Variants in CPNE4 observed in about 807,000 individuals in gnomAD.
The protein encoded by CPNE4 is copine 4.
A neutral mutation model predicts 67.9 loss-of-function variants in CPNE4; 25 were observed. That is an observed-to-expected ratio of 0.37 (90% confidence interval 0.27 to 0.51). The LOEUF is 0.51. CPNE4 is among the 20% of genes least tolerant of loss of function. The probability of loss-of-function intolerance (pLI) is 0.93; values close to 1 mark genes in which losing one functional copy is unlikely to be tolerated. For synonymous variants in CPNE4, 242 were observed against 244.9 expected (o/e 0.99, Z 0.11); for missense variants, 464 against 690.8 (o/e 0.67, Z 3.68).
chr3:131,898,622 G>C lies in CPNE4; in HGVS notation c.180+6642C>G, dbSNP rs150774750. On this transcript the variant is annotated intron_variant, in intron 2 of 15. Transcript: ENST00000429747. ...ATTTTACTTATAAGGAATCCAATTA[G>C]TCACATATGCAATCCAGTAATCTTA... Among the ~76,000 whole-genome samples the C allele has an allele frequency of 4.7e-3, 711 of 152,108 alleles. 8 individuals are homozygous for C. Among genetic ancestry groups the C allele is most frequent in the African/African-American group, 0.015 (628 of 41,518 alleles).
chr3:131,848,998 C>A (rs2086127352), intron 2 of CPNE4, among the ~76,000 whole-genome samples: 1 of 141,562 alleles, frequency 7.1e-6, no homozygotes. Flanking sequence ...AGATATCATC[C>A]ACCTCCTCTT....
chr3:131,590,467 T>C (rs999261865), intron 7 of CPNE4, among the ~76,000 whole-genome samples: 12 of 152,300 alleles, frequency 7.9e-5, no homozygotes, highest in African/African-American at 2.6e-4. Context: ...TAAACCTTTG[T>C]TATTTTCAGC....
At chr3:131,553,240 C>T (rs1201029592) in intron 12 of CPNE4, among the ~76,000 whole-genome samples, 1 of 151,974 alleles carries the variant, frequency 6.6e-6, no homozygotes, top group Non-Finnish European at 1.5e-5. Context: ...AGGATATTTC[C>T]AAGCTCTGAC....
At chr3:131,859,360 A>G (rs1249724019) in intron 2 of CPNE4, among the ~76,000 whole-genome samples, 1 of 152,172 alleles carries the variant, frequency 6.6e-6, no homozygotes, top group Non-Finnish European at 1.5e-5. Context: ...CTGTTCCTCA[A>G]GATGCTCTTC....
chr3:131,561,497 C>G (rs1279701062), intron 11 of CPNE4, among the ~76,000 whole-genome samples: 1 of 152,008 alleles, frequency 6.6e-6, no homozygotes, highest in Non-Finnish European at 1.5e-5. Context: ...TGAGGACAAG[C>G]TGTCTGTGGG....
chr3:131,940,267 T>C (rs1485221097), intron 1 of CPNE4, among the ~76,000 whole-genome samples: 7 of 152,140 alleles, frequency 4.6e-5, no homozygotes, highest in African/African-American at 1.7e-4. Context: ...TAACCATGGC[T>C]ATTAAAAATT....
intron 2 of CPNE4, among the ~76,000 whole-genome samples, chr3:131,877,955 G>A (rs571427633): frequency 1.3e-5 from 2 of 152,170 alleles, no homozygotes; most frequent in African/African-American, 2.4e-5. Flanking sequence ...TCACCAGGAT[G>A]GCTAAGATGA....
chr3:131,612,147 G>T (rs1162109663), intron 7 of CPNE4, among the ~76,000 whole-genome samples: 2 of 152,132 alleles, frequency 1.3e-5, no homozygotes, highest in African/African-American at 2.4e-5. Context: ...GCCAAGGCAG[G>T]CAGATCACTT....
At chr3:131,765,836 G>T (rs2082998642) in intron 2 of CPNE4, among the ~76,000 whole-genome samples, 1 of 152,162 alleles carries the variant, frequency 6.6e-6, no homozygotes, top group Middle Eastern at 3.4e-3. Context: ...TGATGAAGGA[G>T]GGCTGAAGAC....
chr3:131,889,884 T>C (rs892544696), intron 2 of CPNE4, among the ~76,000 whole-genome samples: 7 of 152,142 alleles, frequency 4.6e-5, no homozygotes, highest in African/African-American at 1.7e-4. Flanking sequence ...AAGCCAGATG[T>C]CCATGTGCAA....
At chr3:131,798,948 A>T (rs1183418738) in intron 2 of CPNE4, among the ~76,000 whole-genome samples, 2 of 152,154 alleles carry the variant, frequency 1.3e-5, no homozygotes, top group Non-Finnish European at 2.9e-5. Flanking sequence ...AATAAGATAA[A>T]AGCATGCAAA....
intron 1 of CPNE4, among the ~76,000 whole-genome samples, chr3:131,980,415 T>C (rs1305118391): frequency 2.6e-5 from 4 of 152,146 alleles, no homozygotes; most frequent in Non-Finnish European, 5.9e-5. Flanking sequence ...TCTTTGTCTT[T>C]GTTGGATTGG....
At chr3:132,008,723 G>T (rs997970419) in intron 1 of CPNE4, among the ~76,000 whole-genome samples, 1 of 151,692 alleles carries the variant, frequency 6.6e-6, no homozygotes, top group African/African-American at 2.4e-5. Context: ...ATTTTTTCCT[G>T]GTGGTTTTAT....
intron 1 of CPNE4, among the ~76,000 whole-genome samples, chr3:131,955,281 T>C (rs575261242): frequency 5.3e-5 from 8 of 152,042 alleles, no homozygotes; most frequent in Non-Finnish European, 7.4e-5. Context: ...CACTGCTATG[T>C]ATTTCATCAT....
At chr3:131,795,638 A>G (rs2083899397) in intron 2 of CPNE4, among the ~76,000 whole-genome samples, 1 of 152,158 alleles carries the variant, frequency 6.6e-6, no homozygotes, top group African/African-American at 2.4e-5. Flanking sequence ...TGGCCAGTCT[A>G]TGGAGGGTGT....
intron 7 of CPNE4, among the ~76,000 whole-genome samples, chr3:131,661,208 T>C (rs1418247776): frequency 1.3e-5 from 2 of 152,162 alleles, no homozygotes; most frequent in Non-Finnish European, 2.9e-5. Flanking sequence ...TGGTACCTGG[T>C]AAGTGCTCAG....
chr3:131,650,728 G>C (rs2079792816), intron 7 of CPNE4, among the ~76,000 whole-genome samples: 1 of 95,702 alleles, frequency 1.0e-5, no homozygotes, highest in Non-Finnish European at 1.8e-5. Flanking sequence ...CTGGGGGACA[G>C]AGCAAGACTC....
chr3:131,656,445 G>C (rs931849570), intron 7 of CPNE4, among the ~76,000 whole-genome samples: 2 of 152,250 alleles, frequency 1.3e-5, no homozygotes, highest in African/African-American at 4.8e-5. Flanking sequence ...TTTTCTAGGG[G>C]TCTTTAAAAG....
chr3:131,839,838 T>G (rs530420553), intron 2 of CPNE4, among the ~76,000 whole-genome samples: 1 of 152,302 alleles, frequency 6.6e-6, no homozygotes, highest in Admixed American at 6.5e-5. Flanking sequence ...GTTAAAATAT[T>G]CTAGTTCTCA....
Sources: allele counts gnomAD v4.1 joint callset (sites outside exome capture counted in the v4.1 genomes callset), GRCh38; gene constraint gnomAD v4.1.1; transcripts MANE v1.5; gene names NCBI Gene and HGNC (gene_info 2026-07-23, HGNC 2026-07-21).